GMDS: variants seen among roughly 807,000 people sequenced by gnomAD.
The protein encoded by GMDS is GDP-mannose 4,6-dehydratase, also known as GDP-mannose 4,6 dehydratase.
Under a neutral mutation model 49.9 loss-of-function variants are expected in GMDS, and 20 were observed. The ratio of observed to expected loss-of-function variants is 0.40; its 90% CI spans 0.28 to 0.58. The LOEUF (loss-of-function observed/expected upper bound fraction) is 0.58, where lower values mean the gene tolerates loss of function less well. Among genes scored for constraint, GMDS ranks in the 20% least tolerant of loss-of-function variants. The pLI is 0.42. For synonymous variants in GMDS, 177 were observed against 178.6 expected (o/e 0.99, Z 0.07); for missense variants, 362 against 481.4 (o/e 0.75, Z 2.32).
At chr6:1,655,665 T>G (rs1763856845) in intron 9 of GMDS, among the ~76,000 whole-genome samples, 1 of 152,064 alleles carries the variant, frequency 6.6e-6, no homozygotes. Flanking sequence ...CACCACGCCT[T>G]GCTAATCTTT....
Position 1,668,334 on chromosome 6 carries a change from G to A in GMDS, c.988-43794C>T, listed in dbSNP as rs968872623. On this transcript the variant is annotated intron_variant, in intron 9 of 10. Coordinates refer to ENST00000380815, the MANE Select transcript of GMDS (RefSeq NM_001500.4). ...TATAAACTCTTTTAGAAATGACTTCGTAATATATCTTAATAAGATAAAAAG... is the reference window on the plus strand; with the variant it reads ...TATAAACTCTTTTAGAAATGACTTCATAATATATCTTAATAAGATAAAAAG... Among the ~76,000 whole-genome samples the A allele has an allele frequency of 6.6e-5, 10 of 152,084 alleles. No homozygotes were observed. The East Asian group carries it at 1.3e-3, about 20-fold the overall frequency.
chr6:1,967,749 G>T (rs1764351012), intron 4 of GMDS, among the ~76,000 whole-genome samples: 1 of 152,146 alleles, frequency 6.6e-6, no homozygotes, highest in South Asian at 2.1e-4. Context: ...AGAAATGAGA[G>T]AAAGATTTAA....
chr6:2,065,803 C>A (rs1771542821), intron 4 of GMDS, among the ~76,000 whole-genome samples: 1 of 152,140 alleles, frequency 6.6e-6, no homozygotes, highest in Admixed American at 6.5e-5. Context: ...GATTGGTGTA[C>A]CTGAAAGTCA....
At chr6:2,165,047 T>G (rs1271923230) in intron 1 of GMDS, among the ~76,000 whole-genome samples, 1 of 152,224 alleles carries the variant, frequency 6.6e-6, no homozygotes, top group Non-Finnish European at 1.5e-5. Context: ...GGCCTATCAG[T>G]GCTCTCCTTA....
At chr6:1,866,004 G>T (rs1758426337) in intron 7 of GMDS, among the ~76,000 whole-genome samples, 1 of 152,180 alleles carries the variant, frequency 6.6e-6, no homozygotes, top group Non-Finnish European at 1.5e-5. Flanking sequence ...GGATGTTATG[G>T]TGGTGCATAA....
chr6:1,882,923 T>A lies in GMDS; in HGVS notation c.771+47180A>T, dbSNP rs138785343. ...ACAAATCTCTATCACGAGTGATTGT[T>A]GTGAGGATTAGAAGAAACTGTGTAT... On this transcript the variant is annotated intron_variant, in intron 7 of 10. Coordinates refer to ENST00000380815, the MANE Select transcript of GMDS (RefSeq NM_001500.4). 2.0e-5 allele frequency among the ~76,000 whole-genome samples: 3 copies of A among 152,306 alleles called. No individual in the cohort carries two copies. In the East Asian group the frequency reaches 5.8e-4, roughly 29 times the overall value.
chr6:1,719,095 G>A (rs773215801), intron 9 of GMDS, among the ~76,000 whole-genome samples: 43 of 152,288 alleles, frequency 2.8e-4, no homozygotes, highest in African/African-American at 2.4e-4. Flanking sequence ...GAGTAACAGC[G>A]GAATGAAACC....
chr6:2,064,178 C>T (rs1581595337), intron 4 of GMDS, among the ~76,000 whole-genome samples: 1 of 151,940 alleles, frequency 6.6e-6, no homozygotes, highest in African/African-American at 2.4e-5. Context: ...AAAAGTAGAC[C>T]CTGCATAAGT....
chr6:1,944,402 G>A (rs1490471823), intron 6 of GMDS, among the ~76,000 whole-genome samples: 5 of 152,078 alleles, frequency 3.3e-5, no homozygotes, highest in African/African-American at 1.2e-4. Flanking sequence ...CTGCTCGGGA[G>A]GCTGAGGCAG....
chr6:1,645,012 TG>T (rs1465731422), intron 9 of GMDS, among the ~76,000 whole-genome samples: 2 of 150,996 alleles, frequency 1.3e-5, no homozygotes, highest in African/African-American at 4.9e-5. Context: ...CCTGGCTCAC[TG>T]CAACCTCCAC....
chr6:1,959,825 T>C (rs1276441028), intron 6 of GMDS, 42 bp downstream of exon 6: 10 of 1,176,312 alleles, frequency 8.5e-6, no homozygotes, highest in East Asian at 2.4e-5. Flanking sequence ...GTTGTTGTTG[T>C]TCAAGTCTGA....
chr6:1,992,201 C>T (rs1392632962), intron 4 of GMDS, among the ~76,000 whole-genome samples: 4 of 152,136 alleles, frequency 2.6e-5, no homozygotes, highest in Admixed American at 6.5e-5. Flanking sequence ...CCCAGTACCC[C>T]CGCTGAGCTC....
intron 7 of GMDS, among the ~76,000 whole-genome samples, chr6:1,902,587 AT>A (rs1490234580): frequency 6.6e-6 from 1 of 152,188 alleles, no homozygotes. Flanking sequence ...TCGCACAGCT[AT>A]GTTAAAATTC....
At chr6:2,071,861 T>G (rs901066810) in intron 4 of GMDS, among the ~76,000 whole-genome samples, 5 of 152,186 alleles carry the variant, frequency 3.3e-5, no homozygotes, top group Non-Finnish European at 7.4e-5. Flanking sequence ...TTTCTTACTT[T>G]GAATGTGATC....
intron 4 of GMDS, among the ~76,000 whole-genome samples, chr6:2,044,479 G>T (rs6935760): frequency 0.21 from 32,080 of 152,080 alleles, 3,742 homozygotes; most frequent in Non-Finnish European, 0.25. Flanking sequence ...ACCAAATACT[G>T]CATGTTCTCA....
chr6:1,938,419 AAAGAAGTTTTGCT>A (rs1482681171), intron 6 of GMDS, among the ~76,000 whole-genome samples: 12 of 152,196 alleles, frequency 7.9e-5, no homozygotes, highest in Admixed American at 6.5e-5. Flanking sequence ...CTCGTATTTG[AAAGAAGTTTTGCT>A]AAGTGCACAG....
At chr6:1,780,462 T>C (rs1227714037) in intron 7 of GMDS, among the ~76,000 whole-genome samples, 1 of 152,234 alleles carries the variant, frequency 6.6e-6, no homozygotes, top group Non-Finnish European at 1.5e-5. Context: ...CTGAGAGCGC[T>C]TCCTCTGCTG....
At chr6:1,913,107 C>T (rs373582838) in intron 7 of GMDS, among the ~76,000 whole-genome samples, 4 of 152,024 alleles carry the variant, frequency 2.6e-5, no homozygotes, top group African/African-American at 9.7e-5. Flanking sequence ...GTGGGCCAGG[C>T]GCGGTGGCTC....
chr6:2,059,522 C>A (rs1164147488), intron 4 of GMDS, among the ~76,000 whole-genome samples: 3 of 149,034 alleles, frequency 2.0e-5, no homozygotes, highest in East Asian at 2.0e-4. Flanking sequence ...TCCTGGCTAA[C>A]ACGGTGAAAC....
Sources: allele counts gnomAD v4.1 joint callset (sites outside exome capture counted in the v4.1 genomes callset), GRCh38; gene constraint gnomAD v4.1.1; transcripts MANE v1.5; gene names NCBI Gene and HGNC (gene_info 2026-07-23, HGNC 2026-07-21).